THSD4: variants seen among roughly 807,000 people sequenced by gnomAD.
The protein encoded by THSD4 is thrombospondin type 1 domain containing 4.
A neutral mutation model predicts 119.0 loss-of-function variants in THSD4; 69 were observed. The ratio of observed to expected loss-of-function variants is 0.58; its 90% CI spans 0.48 to 0.71. THSD4 has a LOEUF of 0.71. THSD4 is among the 30% of genes least tolerant of loss of function. The pLI is 0.00. For missense variants in THSD4, 1,393 were observed against 1,391.1 expected (o/e 1.00, Z -0.02); for synonymous variants, 524 against 540.4 (o/e 0.97, Z 0.42).
intron 7 of THSD4, among the ~76,000 whole-genome samples, chr15:71,531,715 A>G (rs774456915): frequency 5.9e-5 from 9 of 152,236 alleles, no homozygotes; most frequent in African/African-American, 2.2e-4. Flanking sequence ...CACTCATTAA[A>G]TGTTGTTCTT....
chr15:71,440,878 T>A (rs1384511001), intron 7 of THSD4, among the ~76,000 whole-genome samples: 1 of 152,184 alleles, frequency 6.6e-6, no homozygotes, highest in East Asian at 1.9e-4. Context: ...AACTGTAAAT[T>A]ACACTTGGGA....
chr15:71,437,748 T>G (rs1254249590), intron 7 of THSD4, among the ~76,000 whole-genome samples: 1 of 152,192 alleles, frequency 6.6e-6, no homozygotes, highest in East Asian at 1.9e-4. Flanking sequence ...AGCCAAGAAT[T>G]CATATGTATT....
intron 6 of THSD4, among the ~76,000 whole-genome samples, chr15:71,377,867 A>AACACACACAC (rs376497737): frequency 2.9e-4 from 25 of 86,342 alleles, no homozygotes; most frequent in African/African-American, 1.0e-3. Flanking sequence ...ACATATCCAC[A>AACACACACAC]ACACACACAC....
chr15:71,099,023 C>T (rs1230062360), intron 1 of THSD4, among the ~76,000 whole-genome samples: 1 of 152,122 alleles, frequency 6.6e-6, no homozygotes, highest in Non-Finnish European at 1.5e-5. Context: ...ACAATGAGAA[C>T]TACCTTTTCA....
At chr15:71,211,107 A>C (rs2043885014) in intron 3 of THSD4, among the ~76,000 whole-genome samples, 1 of 152,220 alleles carries the variant, frequency 6.6e-6, no homozygotes, top group African/African-American at 2.4e-5. Context: ...TCAGCAGTGA[A>C]CATTCTTGCC....
intron 7 of THSD4, among the ~76,000 whole-genome samples, chr15:71,534,158 C>T (rs1050570192): frequency 2.0e-5 from 3 of 152,098 alleles, no homozygotes; most frequent in African/African-American, 2.4e-5. Flanking sequence ...CTATGTTGCC[C>T]GTGCTGGTCT....
chr15:71,142,637 G>T (rs1429060006), intron 2 of THSD4, among the ~76,000 whole-genome samples: 3 of 152,172 alleles, frequency 2.0e-5, no homozygotes, highest in African/African-American at 7.2e-5. Flanking sequence ...TTTTGCAGCT[G>T]TTTTAGCTGT....
chr15:71,513,629 G>A (rs897845069), intron 7 of THSD4, among the ~76,000 whole-genome samples: 4 of 152,268 alleles, frequency 2.6e-5, no homozygotes, highest in African/African-American at 9.6e-5. Context: ...GCTGATGGGC[G>A]TGTAAAATGG....
At chr15:71,330,012 C>T (rs977812873) in intron 6 of THSD4, among the ~76,000 whole-genome samples, 5 of 151,006 alleles carry the variant, frequency 3.3e-5, no homozygotes, top group Non-Finnish European at 5.9e-5. Context: ...CCTGGGAGGT[C>T]GAGGCTGCGG....
At chr15:71,506,144 T>C (rs906136444) in intron 7 of THSD4, among the ~76,000 whole-genome samples, 2 of 152,234 alleles carry the variant, frequency 1.3e-5, no homozygotes, top group African/African-American at 4.8e-5. Flanking sequence ...AAGGAGTTTA[T>C]GGTCTGCTGA....
intron 6 of THSD4, among the ~76,000 whole-genome samples, chr15:71,257,782 G>C (rs1255654847): frequency 6.6e-6 from 1 of 152,088 alleles, no homozygotes; most frequent in Non-Finnish European, 1.5e-5. Flanking sequence ...AGACTCCATA[G>C]CTTCTATTAG....
intron 1 of THSD4, among the ~76,000 whole-genome samples, chr15:71,124,651 A>T (rs1268110405): frequency 6.6e-6 from 1 of 152,202 alleles, no homozygotes; most frequent in Non-Finnish European, 1.5e-5. Flanking sequence ...TTAGGTAGTT[A>T]TTCTAGTGAA....
At chr15:71,181,154 CTG>C in intron 3 of THSD4, among the ~76,000 whole-genome samples, 1 of 152,326 alleles carries the variant, frequency 6.6e-6, no homozygotes, top group Non-Finnish European at 1.5e-5. Context: ...AAAGCAGACA[CTG>C]TGTCTCTTCC....
At chr15:71,290,810 C>T (rs2044780735) in intron 6 of THSD4, among the ~76,000 whole-genome samples, 1 of 151,140 alleles carries the variant, frequency 6.6e-6, no homozygotes, top group Non-Finnish European at 1.5e-5. Flanking sequence ...CAACTATAAT[C>T]AACTTATTTT....
intron 8 of THSD4, among the ~76,000 whole-genome samples, chr15:71,702,422 T>C (rs2052309606): frequency 3.9e-5 from 6 of 152,158 alleles, no homozygotes; most frequent in Admixed American, 3.9e-4. Context: ...ACATTTTATG[T>C]GTAAGGAAGG....
rs186691954 is a variant in THSD4, at chr15:71,442,440, A to G, written c.1152+30617A>G. Reference sequence around the variant, plus strand: ...AAAAATTAGCTGGGCGTGGTGGCACATACCTGTAATCCCAGCTACTTGGGA... The same window carrying G: ...AAAAATTAGCTGGGCGTGGTGGCACGTACCTGTAATCCCAGCTACTTGGGA... On this transcript the variant is annotated intron_variant, in intron 7 of 17. Coordinates refer to ENST00000261862, the MANE Select transcript of THSD4 (RefSeq NM_024817.3). 1.2e-3 allele frequency among the ~76,000 whole-genome samples: 174 copies of G among 150,054 alleles called. 1 individual carries two copies. In the East Asian group the frequency reaches 0.031, roughly 27 times the overall value.
At chr15:71,219,577 C>T (rs976704979) in intron 4 of THSD4, among the ~76,000 whole-genome samples, 5 of 152,186 alleles carry the variant, frequency 3.3e-5, no homozygotes, top group African/African-American at 4.8e-5. Context: ...TTGAGAACCA[C>T]TCCTCTAGAG....
In THSD4 at chr15:71,547,439, G is replaced by C. The variant is rs1164268622; in HGVS notation, c.1153-113091G>C. 7 of 1,550,304 alleles carry C rather than the reference G, an allele frequency of 4.5e-6. No individual in the cohort carries two copies. In the African/African-American group the frequency reaches 8.2e-5, roughly 18 times the overall value. On this transcript the variant is annotated intron_variant, in intron 7 of 17. Transcript: ENST00000261862. Reference sequence around the variant, plus strand: ...TTGTCAGCTACCTGATATTAACATTGCTCCACGTTCAAACAGCAGTGTTAG... The same window carrying C: ...TTGTCAGCTACCTGATATTAACATTCCTCCACGTTCAAACAGCAGTGTTAG...
intron 6 of THSD4, among the ~76,000 whole-genome samples, chr15:71,400,834 G>GA (rs111507067): frequency 0.019 from 2,489 of 130,640 alleles, 30 homozygotes; most frequent in African/African-American, 0.043. Flanking sequence ...CACAAAAAAA[G>GA]AAAAAAAAAA....
Sources: allele counts gnomAD v4.1 joint callset (sites outside exome capture counted in the v4.1 genomes callset), GRCh38; gene constraint gnomAD v4.1.1; transcripts MANE v1.5; gene names NCBI Gene and HGNC (gene_info 2026-07-23, HGNC 2026-07-21).